QRICH2: variants seen among roughly 807,000 people sequenced by gnomAD.
QRICH2 encodes glutamine rich 2.
Under a neutral mutation model 168.3 loss-of-function variants are expected in QRICH2, and 119 were observed. The ratio of observed to expected loss-of-function variants is 0.71; its 90% CI spans 0.61 to 0.82. The LOEUF is 0.82. Among genes scored for constraint, QRICH2 ranks in the 40% least tolerant of loss-of-function variants. QRICH2 has a pLI of 0.00. For missense variants in QRICH2, 2,241 were observed against 2,491.6 expected (o/e 0.90, Z 2.14); for synonymous variants, 894 against 951.2 (o/e 0.94, Z 1.11).
In QRICH2 at chr17:76,290,095, C is replaced by G. The variant is rs1346878757; in HGVS notation, c.3713-18G>C. 1.9e-6 allele frequency: 3 copies of G among 1,590,302 alleles called. No individual in the cohort carries two copies. The highest frequency in any genetic ancestry group is 2.7e-5 in the African/African-American group (2 of 74,072). ...CCTTTTGACTATGGAAAGCAGAAGC[C>G]TTATGATCAGAGGGGTTAGATCTCT... On this transcript the variant is annotated intron_variant, in intron 4 of 18. Transcript: ENST00000680821.
rs763822715 is a variant in QRICH2 at position 76,287,251 on chromosome 17, T to A, written c.3952A>T (p.Arg1318Trp). The change falls in exon 7 of 19, where the codon AGG becomes TGG. Residue 1318 changes from arginine to tryptophan, a missense_variant. Around this residue, in one of 3 missense-constraint regions of QRICH2, gnomAD observed 2,047 missense variants for 2,303.8 expected, o/e 0.89. Coordinates refer to ENST00000680821, the MANE Select transcript of QRICH2 (RefSeq NM_001388453.1). ...GAATTTTCCATGGCAGCCTTGCCCCTGTCTTGGCTCTCCCTCAACTCGGCC... is the reference window on the plus strand; with the variant it reads ...GAATTTTCCATGGCAGCCTTGCCCCAGTCTTGGCTCTCCCTCAACTCGGCC... ...ELAELRESQD[R>W]GKAAMENSVS... 6.2e-7 allele frequency: 1 copy of A among 1,614,040 alleles called. No homozygotes were observed. Among genetic ancestry groups the A allele is most frequent in the Non-Finnish European group, 8.5e-7 (1 of 1,179,932 alleles).
intron 3 of QRICH2, among the ~76,000 whole-genome samples, chr17:76,302,325 T>C (rs1240350157): frequency 8.7e-6 from 1 of 114,594 alleles, no homozygotes; most frequent in Non-Finnish European, 1.7e-5. Flanking sequence ...CCTCTGTAGC[T>C]GTCATGTCCA....
rs566968960 is a variant in QRICH2, at chr17:76,275,729, G to A, written c.5482+90C>T. Reference sequence around the variant, plus strand: ...TCGGCTCCCAGGCCCTCCCCTCTCCGGGGAGATAAAGGCCCTACATGAGCA... The same window carrying A: ...TCGGCTCCCAGGCCCTCCCCTCTCCAGGGAGATAAAGGCCCTACATGAGCA... On this transcript the variant is annotated intron_variant, in intron 18 of 18. Transcript: ENST00000680821. 88 of 1,486,402 alleles carry A rather than the reference G, an allele frequency of 5.9e-5. No individual in the cohort carries two copies. In the Admixed American group the frequency reaches 1.2e-3, roughly 21 times the overall value. 92.1% of individuals were successfully genotyped at this position (1,486,402 alleles called of 1,614,324 possible).
intron 14 of QRICH2, 27 bp downstream of exon 14, chr17:76,279,014 T>G: frequency 8.2e-6 from 13 of 1,584,480 alleles, no homozygotes; most frequent in Non-Finnish European, 1.1e-5. Context: ...CGGACCCATA[T>G]GTCCCATATG....
chr17:76,296,991 T>A (rs1380152772), intron 3 of QRICH2, among the ~76,000 whole-genome samples: 1 of 152,144 alleles, frequency 6.6e-6, no homozygotes, highest in Non-Finnish European at 1.5e-5. Flanking sequence ...ATGGTGCCTG[T>A]TCTTATCAAC....
intron 5 of QRICH2, among the ~76,000 whole-genome samples, chr17:76,289,199 T>A (rs1192726829): frequency 2.0e-5 from 3 of 152,066 alleles, no homozygotes; most frequent in African/African-American, 7.2e-5. Flanking sequence ...TTAAAAAAAA[T>A]TTTTTTAGAG....
Position 76,280,738 on chromosome 17 carries a change from C to G in QRICH2, c.4387-10G>C, listed in dbSNP as rs2070772324. ...GACCCTGGTACAGCATCTGGGGAGG[C>G]CAAGTGAACAGAGAAAAAAAGAGCC... On this transcript the variant is annotated splice_polypyrimidine_tract_variant and intron_variant, in intron 9 of 18. Coordinates refer to ENST00000680821, the MANE Select transcript of QRICH2 (RefSeq NM_001388453.1). This position sits in a 1 kb window ranked among gnomAD's most constrained non-coding sequence, Gnocchi z 7.4. The G allele has an allele frequency of 1.2e-6, 2 of 1,613,992 alleles. No homozygotes were observed. Among genetic ancestry groups the G allele is most frequent in the Admixed American group, 1.7e-5 (1 of 59,988 alleles).
chr17:76,287,553 C>T (rs985509109), intron 6 of QRICH2, among the ~76,000 whole-genome samples: 19 of 152,106 alleles, frequency 1.2e-4, no homozygotes, highest in South Asian at 2.1e-4. Flanking sequence ...CTTCAGCCTC[C>T]GACTGGGGAC....
At chr17:76,309,749 AC>A (rs1295906978), upstream of QRICH2, 1 of 152,248 alleles carries the variant, frequency 6.6e-6, no homozygotes, top group African/African-American at 2.4e-5. Context: ...TGCAGATACT[AC>A]ACCATTTTCT....
At chr17:76,299,619 C>T (rs7213821) in intron 3 of QRICH2, among the ~76,000 whole-genome samples, 52,723 of 151,414 alleles carry the variant, frequency 0.35, 12,022 homozygotes, top group African/African-American at 0.64. Context: ...CGCCTGTAAT[C>T]TCAGCTACTC....
chr17:76,305,054 TACACGCACATTCAC>T, intron 1 of QRICH2, 113 bp from the exon 2 acceptor site: 1 of 778,916 alleles, frequency 1.3e-6, no homozygotes, highest in Non-Finnish European at 2.3e-6. Context: ...CACACATGCA[TACACGCACATTCAC>T]ACACTGACTC....
Position 76,307,746 on chromosome 17 carries a change from GGGGCGCCCCCTTGGGCACCTCCTT to G in QRICH2, c.229_252del (p.Lys77_Pro84del). Reference sequence around the variant, plus strand: ...TGGCCCACGCCCCTGCGCTTCTCCCGGGGCGCCCCCTTGGGCACCTCCTTGGGCGCGGGCAGGTGCGGGATGCTG... The same window carrying G: ...TGGCCCACGCCCCTGCGCTTCTCCCGGGGCGCGGGCAGGTGCGGGATGCTG... On this transcript the variant is annotated inframe_deletion, in exon 1 of 19. Transcript: ENST00000680821. This position sits in a 1 kb window ranked among gnomAD's most constrained non-coding sequence, Gnocchi z 5.3. 1.4e-6 allele frequency: 2 copies of G among 1,381,938 alleles called. No individual in the cohort carries two copies. The highest frequency in any genetic ancestry group is 1.9e-6 in the Non-Finnish European group (2 of 1,071,712). The allele number at this position is 1,381,938 out of a possible 1,614,324, so 85.6% of individuals were successfully genotyped here. A position where few individuals can be genotyped will look rare whatever the true frequency, so the allele number is the denominator to read the frequency against.
intron 3 of QRICH2, among the ~76,000 whole-genome samples, chr17:76,303,890 AAAAGTCGCCACCAGC>A (rs2070946048): frequency 6.6e-6 from 1 of 151,268 alleles, no homozygotes; most frequent in Admixed American, 6.6e-5. Flanking sequence ...AAAAAAAAAA[AAAAGTCGCCACCAGC>A]AAAGGGCCCC....
chr17:76,291,381 G>A lies in QRICH2; in HGVS notation c.3346C>T (p.Pro1116Ser). ...HDSMYPGYRG[P>S]GYLSADQHGQ... ...TGCTGATCAGCACTTAGATACCCTGGGCCACGATAACCAGGATACATTGAA... is the reference window on the plus strand; with the variant it reads ...TGCTGATCAGCACTTAGATACCCTGAGCCACGATAACCAGGATACATTGAA... The change falls in exon 4 of 19, where the codon CCA (proline) becomes TCA (serine). Residue 1116 changes from proline to serine, a missense_variant. Transcript: ENST00000680821. 1.9e-6 allele frequency: 3 copies of A among 1,614,010 alleles called. No homozygotes were observed. The highest frequency in any genetic ancestry group is 2.5e-6 in the Non-Finnish European group (3 of 1,179,998).
intron 17 of QRICH2, among the ~76,000 whole-genome samples, chr17:76,276,458 C>T (rs1044508193): frequency 2.6e-5 from 4 of 152,210 alleles, no homozygotes; most frequent in South Asian, 4.1e-4. Context: ...CAAGAAAACA[C>T]GGGGCCACCC....
chr17:76,300,778 A>G (rs1207224302), intron 3 of QRICH2, among the ~76,000 whole-genome samples: 1 of 151,860 alleles, frequency 6.6e-6, no homozygotes, highest in Non-Finnish European at 1.5e-5. Flanking sequence ...ATGACCAGGC[A>G]TGGTGGCTCA....
intron 3 of QRICH2, among the ~76,000 whole-genome samples, chr17:76,297,274 A>G (rs2070812250): frequency 1.3e-5 from 2 of 152,234 alleles, no homozygotes; most frequent in African/African-American, 2.4e-5. Context: ...TGGGAGGCCA[A>G]CGCGGGAGGA....
At chr17:76,306,953 G>A (rs1221442717) in intron 1 of QRICH2, among the ~76,000 whole-genome samples, 2 of 151,760 alleles carry the variant, frequency 1.3e-5, no homozygotes, top group South Asian at 4.2e-4. Flanking sequence ...GCCATAGGAA[G>A]CTGAGGTCCA....
chr17:76,309,128 C>T (rs1176720666), upstream of QRICH2, among the ~76,000 whole-genome samples: 10 of 147,106 alleles, frequency 6.8e-5, no homozygotes, highest in South Asian at 2.2e-4. Context: ...GAGGCCGAGG[C>T]GGGTGGATCA....
Sources: gnomAD v4.1 joint callset for allele counts (sites outside exome capture counted in the v4.1 genomes callset) on GRCh38, gnomAD v4.1.1 for gene constraint, gnomAD v4.1.1 regional missense constraint, Gnocchi (gnomAD v3.1) non-coding constraint, MANE v1.5 for transcripts, NCBI Gene and HGNC (gene_info 2026-07-23, HGNC 2026-07-21) for gene names.